GTF2H1: variants seen among roughly 807,000 people sequenced by gnomAD.
GTF2H1 encodes BTF2 p62.
Under a neutral mutation model 71.2 loss-of-function variants are expected in GTF2H1, and 16 were observed. The ratio of observed to expected loss-of-function variants is 0.22; its 90% CI spans 0.15 to 0.34. GTF2H1 has a LOEUF of 0.34. Ranked by LOEUF, GTF2H1 falls within the 10% of genes least tolerant of loss-of-function variation. GTF2H1 has a pLI of 1.00. For synonymous variants in GTF2H1, 215 were observed against 219.0 expected (o/e 0.98, Z 0.16); for missense variants, 498 against 648.2 (o/e 0.77, Z 2.52).
intron 10 of GTF2H1, 29 bp from the exon 11 acceptor site, chr11:18,352,299 AT>A (rs1865445710): frequency 2.1e-6 from 2 of 943,424 alleles, no homozygotes; most frequent in African/African-American, 1.6e-5. Flanking sequence ...ACTGTGTGTG[AT>A]TAGTAATTTC....
chr11:18,324,377 G>C (rs1864705525), intron 1 of GTF2H1: 1 of 152,234 alleles, frequency 6.6e-6, no homozygotes, highest in Non-Finnish European at 1.5e-5. Context: ...AATTCAGAGA[G>C]GGCTTTTGAA....
At chr11:18,337,426 C>T (rs1028577749) in intron 3 of GTF2H1, among the ~76,000 whole-genome samples, 2 of 151,818 alleles carry the variant, frequency 1.3e-5, no homozygotes, top group African/African-American at 4.8e-5. Context: ...GCCTGGGTGA[C>T]AGAGCGAGAC....
chr11:18,335,326 C>T (rs567429761), intron 2 of GTF2H1, among the ~76,000 whole-genome samples: 1 of 152,270 alleles, frequency 6.6e-6, no homozygotes, highest in East Asian at 1.9e-4. Flanking sequence ...ACATATTTCC[C>T]TTGCAAAAAG....
At chr11:18,358,715 ATTG>A in intron 13 of GTF2H1, 75 bp downstream of exon 13, 1 of 852,378 alleles carries the variant, frequency 1.2e-6, no homozygotes, top group East Asian at 2.4e-5. Flanking sequence ...GGAAAGTTTT[ATTG>A]AGTCTTACCA....
chr11:18,348,306 A>C (rs1036035144), intron 9 of GTF2H1: 1 of 315,878 alleles, frequency 3.2e-6, no homozygotes, highest in Non-Finnish European at 5.7e-6. Context: ...ATTGGCCCTC[A>C]TGTTAAACCT....
At chr11:18,351,338 G>GCC (rs980319723) in intron 9 of GTF2H1, among the ~76,000 whole-genome samples, 1 of 148,610 alleles carries the variant, frequency 6.7e-6, no homozygotes, top group African/African-American at 2.5e-5. Flanking sequence ...CTGGAACGCA[G>GCC]TGGCGTGATC....
intron 1 of GTF2H1, among the ~76,000 whole-genome samples, chr11:18,332,457 A>C (rs1199860065): frequency 6.6e-6 from 1 of 152,238 alleles, no homozygotes; most frequent in Non-Finnish European, 1.5e-5. Context: ...GTAACTAGTT[A>C]GGCATTATAC....
chr11:18,355,530 G>A (rs973198526), intron 11 of GTF2H1, among the ~76,000 whole-genome samples: 8 of 151,912 alleles, frequency 5.3e-5, no homozygotes, highest in African/African-American at 1.7e-4. Flanking sequence ...TTTCGAGACA[G>A]GGTCTCACTT....
At chr11:18,347,424 A>G (rs191998755) in intron 7 of GTF2H1, 164 bp from the exon 8 acceptor site, 50 of 541,580 alleles carry the variant, frequency 9.2e-5, no homozygotes, top group African/African-American at 8.4e-4. Context: ...TTAATCTTTT[A>G]TGTGCATAAT....
At chr11:18,328,615 A>G (rs148290455) in intron 1 of GTF2H1, among the ~76,000 whole-genome samples, 3,849 of 152,000 alleles carry the variant, frequency 0.025, 141 homozygotes, top group South Asian at 0.083. Flanking sequence ...ACTTGCGTCC[A>G]GGAGTTCAAG....
chr11:18,348,779 C>G (rs1012692763), intron 9 of GTF2H1: 1 of 152,122 alleles, frequency 6.6e-6, no homozygotes, highest in African/African-American at 2.4e-5. Context: ...TTTAAAAGGG[C>G]CTTCAAATGA....
At chr11:18,344,706 A>C (rs972725376) in intron 7 of GTF2H1, among the ~76,000 whole-genome samples, 1 of 151,998 alleles carries the variant, frequency 6.6e-6, no homozygotes, top group Non-Finnish European at 1.5e-5. Context: ...CATTGAGCTT[A>C]GAATAAAATC....
Position 18,357,615 on chromosome 11 carries a change from T to C in GTF2H1, c.1261-337T>C, listed in dbSNP as rs987494840. On this transcript the variant is annotated intron_variant, in intron 11 of 14. Transcript: ENST00000265963. ...AACATGTTGTTTTACCTGTTTTCTTTCCTTAAACTCAATTTTACCTTCAGT... is the reference window on the plus strand; with the variant it reads ...AACATGTTGTTTTACCTGTTTTCTTCCCTTAAACTCAATTTTACCTTCAGT... 5.3e-5 allele frequency among the ~76,000 whole-genome samples: 8 copies of C among 152,300 alleles called. No homozygotes were observed. In the South Asian group the frequency reaches 1.2e-3, roughly 24 times the overall value.
chr11:18,366,027 C>G lies in GTF2H1; in HGVS notation c.*158C>G. 1.7e-6 allele frequency: 1 copy of G among 600,606 alleles called. No individual in the cohort carries two copies. The highest frequency in any genetic ancestry group is 2.1e-5 in the South Asian group (1 of 48,742). The allele number at this position is 600,606 out of a possible 1,614,324, so 37.2% of individuals were successfully genotyped here. ...CAGAGCTGATGCTATTGTACTTGCA[C>G]ATTGGAGACTGAAAGGAAAGAAGGG... On this transcript the variant is annotated 3_prime_UTR_variant, in exon 15 of 15. Coordinates refer to ENST00000265963, the MANE Select transcript of GTF2H1 (RefSeq NM_005316.4).
chr11:18,342,638 T>C (rs4150611), intron 7 of GTF2H1, among the ~76,000 whole-genome samples: 2,696 of 152,300 alleles, frequency 0.018, 61 homozygotes, highest in African/African-American at 0.054. Flanking sequence ...AAGAAGAATC[T>C]ATACAAACAT....
intron 11 of GTF2H1, among the ~76,000 whole-genome samples, chr11:18,353,485 T>C (rs944472653): frequency 6.6e-6 from 1 of 152,188 alleles, no homozygotes; most frequent in African/African-American, 2.4e-5. Context: ...CATTATCTCC[T>C]TCATGCTTCC....
chr11:18,340,351 G>A (rs948979125), intron 5 of GTF2H1, among the ~76,000 whole-genome samples: 2 of 151,732 alleles, frequency 1.3e-5, no homozygotes, highest in Non-Finnish European at 2.9e-5. Context: ...GCAGTGGCGC[G>A]ATCTTGGCTC....
chr11:18,352,561 T>C (rs1267061653), intron 11 of GTF2H1, 115 bp downstream of exon 11: 2 of 516,826 alleles, frequency 3.9e-6, no homozygotes, highest in Non-Finnish European at 7.0e-6. Flanking sequence ...AAGACATAGT[T>C]CTGCTAAATA....
chr11:18,360,032 C>A (rs541108042), intron 13 of GTF2H1, among the ~76,000 whole-genome samples: 1 of 151,862 alleles, frequency 6.6e-6, no homozygotes, highest in Non-Finnish European at 1.5e-5. Context: ...CATGATGTTG[C>A]CACTGCACTC....
Sources: gnomAD v4.1 joint callset for allele counts (sites outside exome capture counted in the v4.1 genomes callset) on GRCh38, gnomAD v4.1.1 for gene constraint, MANE v1.5 for transcripts, NCBI Gene and HGNC (gene_info 2026-07-23, HGNC 2026-07-21) for gene names.